RAB6A: variants seen among roughly 807,000 people sequenced by gnomAD.
RAB6A encodes the protein ras-related protein Rab-6A.
In RAB6A, 8 loss-of-function variants were observed where a neutral mutation model predicts 32.3. That is an observed-to-expected ratio of 0.25 (90% CI 0.15 to 0.45). The LOEUF (loss-of-function observed/expected upper bound fraction) is 0.45, where lower values mean the gene tolerates loss of function less well. Ranked by LOEUF, RAB6A falls within the 20% of genes least tolerant of loss-of-function variation. RAB6A has a pLI of 1.00. For missense variants in RAB6A, 104 were observed against 249.4 expected, an observed-to-expected ratio of 0.42 and a Z score of 3.93; for synonymous variants, 73 against 82.1, an observed-to-expected ratio of 0.89 and a Z score of 0.60.
intron 1 of RAB6A, chr11:73,759,985 C>T: frequency 1.6e-6 from 2 of 1,267,318 alleles, no homozygotes; most frequent in Non-Finnish European, 2.1e-6. Context: ...TCCTCTATGG[C>T]CCAGACTAAT....
chr11:73,759,632 T>G (rs11829012), intron 1 of RAB6A, among the ~76,000 whole-genome samples: 2,658 of 152,212 alleles, frequency 0.017, 79 homozygotes, highest in African/African-American at 0.06. Context: ...CCTCAATATA[T>G]CATTGGAAAA....
intron 6 of RAB6A, among the ~76,000 whole-genome samples, chr11:73,699,729 CTT>C (rs1945712177): frequency 6.6e-6 from 1 of 152,156 alleles, no homozygotes; most frequent in African/African-American, 2.4e-5. Context: ...TTTTACATAA[CTT>C]TTTATTTTCC....
intron 6 of RAB6A, among the ~76,000 whole-genome samples, chr11:73,703,211 G>A (rs1945774975): frequency 1.3e-5 from 2 of 152,140 alleles, no homozygotes; most frequent in Non-Finnish European, 2.9e-5. Flanking sequence ...TGTCTAAGGT[G>A]TAGTCAAAAC....
At position 73,708,313 on chromosome 11, in the gene RAB6A, C is replaced by T. The variant is rs539522413; in HGVS notation, c.402-800G>A. On this transcript the variant is annotated intron_variant, in intron 5 of 7. Coordinates refer to ENST00000336083, the MANE Select transcript of RAB6A (RefSeq NM_198896.2). Reference sequence around the variant, plus strand: ...CCTCCTGAGCAGCTGGGATTATAGGCGCCCACCACCACACCTGAATAATTT... The same window carrying T: ...CCTCCTGAGCAGCTGGGATTATAGGTGCCCACCACCACACCTGAATAATTT... Among the ~76,000 whole-genome samples, 13 of 152,218 alleles carry T rather than the reference C, an allele frequency of 8.5e-5. No individual in the cohort carries two copies. In the South Asian group the frequency reaches 2.1e-3, roughly 24 times the overall value.
At chr11:73,733,574 A>AAAAT (rs960009943) in intron 1 of RAB6A, among the ~76,000 whole-genome samples, 4 of 140,098 alleles carry the variant, frequency 2.9e-5, no homozygotes, top group East Asian at 2.0e-4. Flanking sequence ...TAAATAAATA[A>AAAAT]AAATAAATAA....
At chr11:73,760,493 C>A in intron 1 of RAB6A, 73 bp downstream of exon 1, 1 of 1,517,682 alleles carries the variant, frequency 6.6e-7, no homozygotes, top group South Asian at 1.2e-5. Flanking sequence ...CCTCCGCGGA[C>A]GGAAGGGCCG....
chr11:73,740,326 T>C (rs1946475604), intron 1 of RAB6A, among the ~76,000 whole-genome samples: 1 of 152,154 alleles, frequency 6.6e-6, no homozygotes, highest in East Asian at 1.9e-4. Flanking sequence ...TGTTCCATCC[T>C]GGTAACAAAG....
Position 73,692,715 on chromosome 11 carries a change from C to A in RAB6A, c.496-12995G>T, listed in dbSNP as rs185238178. ...CCTATAATCCCAGCACTTTGGGAGG[C>A]GGGCGGATCACAAGTTCAGGAGATC... On this transcript the variant is annotated intron_variant, in intron 6 of 7. Coordinates refer to ENST00000336083, the MANE Select transcript of RAB6A (RefSeq NM_198896.2). 9.6e-3 allele frequency among the ~76,000 whole-genome samples: 1,346 copies of A among 140,186 alleles called. 14 individuals carry two copies. Among genetic ancestry groups the A allele is most frequent in the Middle Eastern group, 0.039 (10 of 258 alleles). 92.0% of individuals were successfully genotyped at this position (140,186 alleles called of 152,430 possible).
intron 5 of RAB6A, 101 bp from the exon 6 acceptor site, chr11:73,707,614 G>C: frequency 1.3e-6 from 1 of 775,876 alleles, no homozygotes; most frequent in South Asian, 1.8e-5. Flanking sequence ...TATAAGGACT[G>C]GTTATACAGG....
chr11:73,747,147 A>G (rs1479029927), intron 1 of RAB6A, among the ~76,000 whole-genome samples: 2 of 152,096 alleles, frequency 1.3e-5, no homozygotes, highest in Non-Finnish European at 2.9e-5. Flanking sequence ...GAAAAGCTAT[A>G]AAAATAGTAC....
chr11:73,749,000 C>T (rs1463101433), intron 1 of RAB6A, among the ~76,000 whole-genome samples: 1 of 152,084 alleles, frequency 6.6e-6, no homozygotes, highest in Non-Finnish European at 1.5e-5. Flanking sequence ...CAGCATACGC[C>T]TGTAATCCCA....
At chr11:73,678,094 C>T (rs924032533) in intron 7 of RAB6A, 132 bp from the exon 8 acceptor site, 21 of 897,744 alleles carry the variant, frequency 2.3e-5, no homozygotes, top group African/African-American at 1.3e-4. Flanking sequence ...TCTACATAGC[C>T]GCCTCACCAT....
At chr11:73,727,256 T>C (rs778098303) in intron 2 of RAB6A, among the ~76,000 whole-genome samples, 3 of 151,782 alleles carry the variant, frequency 2.0e-5, no homozygotes, top group Non-Finnish European at 4.4e-5. Flanking sequence ...AACCCATCTG[T>C]ACAAAAAAAA....
chr11:73,707,512 G>T lies in RAB6A; in HGVS notation c.403C>A (p.Gln135Lys). 6.2e-7 allele frequency: 1 copy of T among 1,605,300 alleles called. No homozygotes were observed. Among genetic ancestry groups the T allele is most frequent in the Non-Finnish European group, 8.5e-7 (1 of 1,172,684 alleles). ...CTCTCTCCCTCCTCAATTGACACTT[G>T]CCTGTAAAGAAACAAACAAACTTCT... ...GNKTDLADKR[Q>K]VSIEEGERKA... The change falls in exon 6 of 8, where the codon CAA becomes AAA. Residue 135 changes from glutamine to lysine, a missense_variant and splice_region_variant. Around this residue, in one of 4 missense-constraint regions of RAB6A, gnomAD observed 21 missense variants for 18.2 expected, o/e 1.15. Transcript: ENST00000336083.
chr11:73,759,760 T>A (rs1946813301), intron 1 of RAB6A, among the ~76,000 whole-genome samples: 1 of 152,066 alleles, frequency 6.6e-6, no homozygotes, highest in Non-Finnish European at 1.5e-5. Context: ...TGAGAAAAAT[T>A]CCAAGTAAAA....
intron 1 of RAB6A, among the ~76,000 whole-genome samples, chr11:73,734,434 C>T (rs1946363158): frequency 6.6e-6 from 1 of 151,796 alleles, no homozygotes; most frequent in African/African-American, 2.4e-5. Context: ...CCAGTTTATC[C>T]AGTTTAATAG....
chr11:73,711,936 T>C (rs756924164), intron 5 of RAB6A, among the ~76,000 whole-genome samples: 1 of 152,218 alleles, frequency 6.6e-6, no homozygotes, highest in Non-Finnish European at 1.5e-5. Flanking sequence ...ACCGTTCATA[T>C]TTCTAGTCAA....
At chr11:73,692,502 C>CAAAAAAAAAA (rs34201129) in intron 6 of RAB6A, among the ~76,000 whole-genome samples, 1 of 56,438 alleles carries the variant, frequency 1.8e-5, no homozygotes, top group Non-Finnish European at 3.2e-5. Context: ...GACTCTGTCT[C>CAAAAAAAAAA]AAAAAAAAAA....
In RAB6A at chr11:73,700,615, G is replaced by T. The variant is rs760151442; in HGVS notation, c.495+6805C>A. On this transcript the variant is annotated intron_variant, in intron 6 of 7. Coordinates refer to ENST00000336083, the MANE Select transcript of RAB6A (RefSeq NM_198896.2). ...AAAAAAAAAAGTGTGTGTGTGGGGG[G>T]GGGGGGGGGAGGAGGGTAGTGGATG... Among the ~76,000 whole-genome samples the T allele has an allele frequency of 1.4e-3, 174 of 128,082 alleles. 5 individuals are homozygous for T. Among genetic ancestry groups the T allele is most frequent in the East Asian group, 8.6e-3 (35 of 4,084 alleles). 84.0% of individuals were successfully genotyped at this position (128,082 alleles called of 152,430 possible). A position where few individuals can be genotyped will look rare whatever the true frequency, so the allele number is the denominator to read the frequency against.
Sources: gnomAD v4.1 joint callset for allele counts (sites outside exome capture counted in the v4.1 genomes callset) on GRCh38, gnomAD v4.1.1 for gene constraint, gnomAD v4.1.1 regional missense constraint, MANE v1.5 for transcripts, NCBI Gene and HGNC (gene_info 2026-07-23, HGNC 2026-07-21) for gene names.